Variants in JPH3 observed in about 807,000 individuals in gnomAD.
JPH3 encodes the protein junctophilin-3.
Under a neutral mutation model 59.6 loss-of-function variants are expected in JPH3, and 11 were observed. The observed-to-expected ratio is 0.18, with a 90% CI of 0.12 to 0.31. The LOEUF (loss-of-function observed/expected upper bound fraction) is 0.31, where lower values mean the gene tolerates loss of function less well. Among genes scored for constraint, JPH3 ranks in the 10% least tolerant of loss-of-function variants. The probability of loss-of-function intolerance (pLI) is 1.00; values close to 1 mark genes in which losing one functional copy is unlikely to be tolerated. For missense variants in JPH3, 1,202 were observed against 1,105.7 expected (o/e 1.09, Z -1.24); for synonymous variants, 673 against 483.6 (o/e 1.39, Z -5.14).
At chr16:87,678,593 C>T (rs941849368) in intron 2 of JPH3, among the ~76,000 whole-genome samples, 3 of 152,118 alleles carry the variant, frequency 2.0e-5, no homozygotes, top group Non-Finnish European at 4.4e-5. Context: ...CACTCACATA[C>T]TCACACTCTC....
chr16:87,651,843 G>A lies in JPH3; in HGVS notation c.1160+6808G>A, dbSNP rs1458685070. Among the ~76,000 whole-genome samples, 3 of 152,406 alleles carry A rather than the reference G, an allele frequency of 2.0e-5. No individual in the cohort carries two copies. The East Asian group carries it at 5.8e-4, about 29-fold the overall frequency. ...ATTTAGTTGATAAAACAGCAGCAGA[G>A]TTTGAGGGGATTGACTCCAGTTTCC... On this transcript the variant is annotated intron_variant, in intron 2 of 4. Transcript: ENST00000284262.
intron 1 of JPH3, among the ~76,000 whole-genome samples, chr16:87,641,123 GC>G (rs891840750): frequency 1.4e-4 from 21 of 152,222 alleles, no homozygotes; most frequent in Admixed American, 1.1e-3. Context: ...CATCACAACT[GC>G]CCCCAGTGCT....
chr16:87,666,297 C>T (rs1372481656), intron 2 of JPH3, among the ~76,000 whole-genome samples: 1 of 151,912 alleles, frequency 6.6e-6, no homozygotes, highest in African/African-American at 2.4e-5. Context: ...TCATGTTGGT[C>T]AGGCTGGTCT....
rs546391019 is a variant in JPH3, at chr16:87,645,453, G to C, written c.1160+418G>C. On this transcript the variant is annotated intron_variant, in intron 2 of 4. Transcript: ENST00000284262. ...GTCCAGCACTGCAGGGCTGTGGGAG[G>C]TGGCTAGGAGCTGCCTCAGCTACCC... Among the ~76,000 whole-genome samples, 4 of 152,342 alleles carry C rather than the reference G, an allele frequency of 2.6e-5. No individual in the cohort carries two copies. The South Asian group carries it at 8.3e-4, about 32-fold the overall frequency.
At chr16:87,695,138 G>A (rs2033766029) in intron 4 of JPH3, 1 of 361,146 alleles carries the variant, frequency 2.8e-6, no homozygotes, top group Non-Finnish European at 5.5e-6. Context: ...GGAGCCAGCA[G>A]CAGCTGCTTC....
At chr16:87,652,388 A>C (rs1400175272) in intron 2 of JPH3, among the ~76,000 whole-genome samples, 1 of 152,260 alleles carries the variant, frequency 6.6e-6, no homozygotes, top group African/African-American at 2.4e-5. Flanking sequence ...GCAACAAAGT[A>C]TTTTAAAATT....
intron 1 of JPH3, among the ~76,000 whole-genome samples, chr16:87,640,111 G>A (rs1435953650): frequency 6.6e-6 from 1 of 152,126 alleles, no homozygotes; most frequent in African/African-American, 2.4e-5. Flanking sequence ...GGCGGATCAT[G>A]AGGTCCAGAG....
In JPH3 at chr16:87,690,289, C is replaced by A; in HGVS notation, c.1929C>A (p.His643Gln). The A allele has an allele frequency of 6.3e-7, 1 of 1,599,160 alleles. No individual in the cohort carries two copies. Among genetic ancestry groups the A allele is most frequent in the South Asian group, 1.1e-5 (1 of 88,984 alleles). ...GGACRGLGDD[H>Q]RPEDRGFGVQ... ...CCTGCCGGGGCTTGGGGGACGACCA[C>A]CGCCCCGAGGACCGGGGCTTCGGGG... The change falls in exon 4 of 5, where the codon CAC (histidine) becomes CAA (glutamine). Residue 643 changes from histidine to glutamine, a missense_variant. Transcript: ENST00000284262.
At chr16:87,670,276 T>A (rs73240184) in intron 2 of JPH3, among the ~76,000 whole-genome samples, 1,975 of 152,298 alleles carry the variant, frequency 0.013, 52 homozygotes, top group African/African-American at 0.043. Context: ...TGGTGCCTCC[T>A]GCAAACAACC....
intron 3 of JPH3, among the ~76,000 whole-genome samples, chr16:87,686,175 C>A (rs560371727): frequency 4.6e-5 from 7 of 152,358 alleles, no homozygotes; most frequent in Admixed American, 2.6e-4. Context: ...TTTCTACCCC[C>A]ACCCCCGCGT....
At chr16:87,627,898 G>A (rs539100217) in intron 1 of JPH3, among the ~76,000 whole-genome samples, 1 of 152,306 alleles carries the variant, frequency 6.6e-6, no homozygotes, top group East Asian at 1.9e-4. Context: ...CCCGCCCCTC[G>A]CAGGGGTTTC....
chr16:87,679,757 G>A (rs1010596264), intron 2 of JPH3, among the ~76,000 whole-genome samples: 3 of 152,232 alleles, frequency 2.0e-5, no homozygotes, highest in Non-Finnish European at 4.4e-5. Flanking sequence ...CACCATCTGG[G>A]AGGCCCGGCC....
At position 87,602,960 on chromosome 16, in the gene JPH3, C is replaced by G. The variant is rs546516991; in HGVS notation, c.-187C>G. 2.2e-4 allele frequency: 133 copies of G among 602,392 alleles called. No homozygotes were observed. The highest frequency in any genetic ancestry group is 2.0e-3 in the African/African-American group (103 of 50,510). The allele number at this position is 602,392 out of a possible 1,614,324, so 37.3% of individuals were successfully genotyped here. On this transcript the variant is annotated 5_prime_UTR_variant, in exon 1 of 5. Transcript: ENST00000284262. ...CAGCTCGAAAAGGAATAATCGCCCC[C>G]GATTGACTGAAATTCCTCCGGAGCC...
chr16:87,621,462 G>A (rs1328412700), intron 1 of JPH3, among the ~76,000 whole-genome samples: 1 of 152,208 alleles, frequency 6.6e-6, no homozygotes, highest in African/African-American at 2.4e-5. Flanking sequence ...CTGGGCCTGG[G>A]GGCTTCTGAA....
intron 2 of JPH3, among the ~76,000 whole-genome samples, chr16:87,681,758 G>A (rs1462077821): frequency 6.6e-6 from 1 of 152,204 alleles, no homozygotes; most frequent in African/African-American, 2.4e-5. Flanking sequence ...CCCCGGGGCA[G>A]GATATGTTTT....
At chr16:87,648,230 T>G (rs1321175288) in intron 2 of JPH3, among the ~76,000 whole-genome samples, 1 of 150,586 alleles carries the variant, frequency 6.6e-6, no homozygotes, top group Admixed American at 6.6e-5. Context: ...TCAATGGACT[T>G]AGAATTTGGG....
chr16:87,612,790 C>T (rs950858392), intron 1 of JPH3, among the ~76,000 whole-genome samples: 21 of 151,936 alleles, frequency 1.4e-4, no homozygotes, highest in Admixed American at 3.3e-4. Flanking sequence ...CCGAGGCGGG[C>T]GGAGGCCGAG....
chr16:87,616,190 TTGTGTGTGTGTGTGTGTGTGTGTG>T (rs56053716), intron 1 of JPH3, among the ~76,000 whole-genome samples: 2 of 116,018 alleles, frequency 1.7e-5, no homozygotes, highest in African/African-American at 7.0e-5. Flanking sequence ...CAATCTGGTT[TTGTGTGTGTGTGTGTGTGTGTGTG>T]TGTGTGTGTG....
intron 2 of JPH3, among the ~76,000 whole-genome samples, chr16:87,649,340 T>A (rs2150849365): frequency 6.6e-6 from 1 of 152,326 alleles, no homozygotes; most frequent in East Asian, 1.9e-4. Context: ...GACGTTTTCA[T>A]GACTCATCTC....
Sources: gnomAD v4.1 joint callset for allele counts (sites outside exome capture counted in the v4.1 genomes callset) on GRCh38, gnomAD v4.1.1 for gene constraint, MANE v1.5 for transcripts, NCBI Gene and HGNC (gene_info 2026-07-23, HGNC 2026-07-21) for gene names.